Variants in KAT14 observed in about 807,000 individuals in gnomAD.
KAT14 encodes the protein cysteine-rich protein 2-binding protein.
Under a neutral mutation model 78.4 loss-of-function variants are expected in KAT14, and 66 were observed. That is an observed-to-expected ratio of 0.84 (90% CI 0.69 to 1.03). The LOEUF is 1.03. Among genes scored for constraint, KAT14 ranks in the 50% least tolerant of loss-of-function variants. The probability of loss-of-function intolerance (pLI) is 0.00; values close to 1 mark genes in which losing one functional copy is unlikely to be tolerated. For missense variants in KAT14, 870 were observed against 972.5 expected, an observed-to-expected ratio of 0.89 and a Z score of 1.40; for synonymous variants, 344 against 359.4, an observed-to-expected ratio of 0.96 and a Z score of 0.48.
At position 18,142,884 on chromosome 20, in the gene KAT14, A is replaced by G. The variant is rs1158486164; in HGVS notation, c.224A>G (p.Tyr75Cys). The change falls in exon 2 of 11, where the codon TAC (tyrosine) becomes TGC (cysteine). Residue 75 changes from tyrosine (Y) to cysteine (C), a missense_variant. By Grantham distance (194) the Tyr-to-Cys change is radical. Coordinates refer to ENST00000688188, the MANE Select transcript of KAT14 (RefSeq NM_001392073.1). ...TCTTGGATGGAGGAGCAGCTGTCCT[A>G]CTTCTGTGACAAGTGCCAAAAATGG... is the stretch of plus-strand genomic sequence containing the variant. ...DVSWMEEQLS[Y>C]FCDKCQKWIP... 2 of 1,614,178 alleles carry G rather than the reference A, an allele frequency of 1.2e-6. No homozygotes were observed. Among genetic ancestry groups the G allele is most frequent in the South Asian group, 1.1e-5 (1 of 91,082 alleles).
At chr20:18,143,877 G>A (rs2037709138) in intron 2 of KAT14, among the ~76,000 whole-genome samples, 1 of 152,108 alleles carries the variant, frequency 6.6e-6, no homozygotes, top group African/African-American at 2.4e-5. Flanking sequence ...TGATCCATCC[G>A]CCTCGGCCTC....
Position 18,175,686 on chromosome 20 carries a change from T to TC in KAT14, c.1669-6021dup, listed in dbSNP as rs1174404640. On this transcript the variant is annotated intron_variant, in intron 7 of 10. Transcript: ENST00000688188. The stretch of plus-strand genomic sequence containing the variant: ...TATTTGACCTTGGGATGCTTTTTTT[T>TC]CCCACACTTTACCATTCAGCAAATG... 1.8e-3 allele frequency among the ~76,000 whole-genome samples: 279 copies of TC among 152,144 alleles called. 1 individual carries two copies. Among genetic ancestry groups the TC allele is most frequent in the African/African-American group, 6.4e-3 (264 of 41,498 alleles).
intron 1 of KAT14, 191 bp downstream of exon 1, chr20:18,138,242 C>T (rs1212417525): frequency 6.4e-6 from 8 of 1,241,798 alleles, no homozygotes; most frequent in African/African-American, 4.7e-5. Flanking sequence ...CTGCAGCTCC[C>T]GGCGGGCGTG....
intron 5 of KAT14, 73 bp downstream of exon 5, chr20:18,159,338 C>G: frequency 6.5e-7 from 1 of 1,527,698 alleles, no homozygotes; most frequent in Non-Finnish European, 8.8e-7. Flanking sequence ...AGGAGACGCT[C>G]CTGCTTCCAC....
intron 5 of KAT14, 117 bp downstream of exon 5, chr20:18,159,382 C>A: frequency 8.9e-7 from 1 of 1,128,636 alleles, no homozygotes. Flanking sequence ...TGGAGCTACT[C>A]TGTTTAACAC....
chr20:18,141,064 A>G, intron 1 of KAT14, among the ~76,000 whole-genome samples: 2 of 85,708 alleles, frequency 2.3e-5, no homozygotes, highest in African/African-American at 4.6e-5. Flanking sequence ...TTTTTGCTAG[A>G]GATGGGATTT....
intron 7 of KAT14, among the ~76,000 whole-genome samples, chr20:18,179,468 T>C (rs1236788528): frequency 6.6e-6 from 1 of 152,226 alleles, no homozygotes; most frequent in African/African-American, 2.4e-5. Context: ...CAAACCTCAA[T>C]TCTGGACTTC....
chr20:18,150,997 T>C (rs2038016615), intron 4 of KAT14, 55 bp downstream of exon 4: 2 of 1,597,512 alleles, frequency 1.3e-6, no homozygotes, highest in Admixed American at 3.4e-5. Flanking sequence ...GAATGAAGTA[T>C]ACAGGATTTG....
At chr20:18,153,357 GTTCT>G (rs2038115640) in intron 4 of KAT14, among the ~76,000 whole-genome samples, 1 of 152,126 alleles carries the variant, frequency 6.6e-6, no homozygotes, top group Non-Finnish European at 1.5e-5. Flanking sequence ...ACTATAACTG[GTTCT>G]TTCTCATAAG....
intron 1 of KAT14, among the ~76,000 whole-genome samples, chr20:18,141,691 T>G (rs1425358566): frequency 6.6e-6 from 1 of 152,098 alleles, no homozygotes; most frequent in Non-Finnish European, 1.5e-5. Flanking sequence ...CGAGACCAGC[T>G]TGGCTGACGT....
chr20:18,155,678 A>T (rs1288043143), intron 4 of KAT14, among the ~76,000 whole-genome samples: 8 of 152,222 alleles, frequency 5.3e-5, no homozygotes, highest in African/African-American at 1.7e-4. Flanking sequence ...TGCAAATCAA[A>T]TCTATAACAC....
chr20:18,183,209 C>A lies in KAT14; in HGVS notation c.1892C>A (p.Pro631Gln). ...HLHRSDPHWT[P>Q]EPDAPLDYCY... ...CACAGGAGCGACCCTCACTGGACGC[C>A]GGAGCCCGACGCACCTCTCGATTAC... The change falls in exon 9 of 11, where the codon CCG becomes CAG. Residue 631 changes from proline (P) to glutamine (Q), a missense_variant. Physicochemically the swap from Pro to Gln is moderately conservative, Grantham distance 76. Transcript: ENST00000688188. 6.2e-7 allele frequency: 1 copy of A among 1,614,108 alleles called. No individual in the cohort carries two copies. The highest frequency in any genetic ancestry group is 8.5e-7 in the Non-Finnish European group (1 of 1,180,026).
chr20:18,145,712 C>T (rs774428412), intron 3 of KAT14, among the ~76,000 whole-genome samples: 46 of 151,548 alleles, frequency 3.0e-4, no homozygotes, highest in African/African-American at 1.1e-3. Context: ...ACCTGGGAGG[C>T]GGAGGCTGCA....
rs569965106 is a variant in KAT14, at chr20:18,182,832, A to G, written c.1806-291A>G. Among the ~76,000 whole-genome samples, 4 of 152,226 alleles carry G rather than the reference A, an allele frequency of 2.6e-5. No homozygotes were observed. The South Asian group carries it at 8.3e-4, about 32-fold the overall frequency. On this transcript the variant is annotated intron_variant, in intron 8 of 10. Coordinates refer to ENST00000688188, the MANE Select transcript of KAT14 (RefSeq NM_001392073.1). Reference sequence around the variant, plus strand: ...TCCAAGGCACTGGAGATGCATCCTCATGTCTGACTCCTTGGGGTGAATCTG... The same window carrying G: ...TCCAAGGCACTGGAGATGCATCCTCGTGTCTGACTCCTTGGGGTGAATCTG...
intron 10 of KAT14, among the ~76,000 whole-genome samples, chr20:18,186,061 C>T (rs567543334): frequency 2.0e-5 from 3 of 152,268 alleles, no homozygotes; most frequent in Admixed American, 6.5e-5. Flanking sequence ...AGAGGATTTG[C>T]TGCCGTATCT....
intron 4 of KAT14, among the ~76,000 whole-genome samples, chr20:18,155,065 C>T (rs369514406): frequency 2.2e-4 from 34 of 152,194 alleles, no homozygotes; most frequent in African/African-American, 7.5e-4. Context: ...TTGTATTTTT[C>T]GTAGGGACAG....
At chr20:18,179,889 G>C (rs1004257524) in intron 7 of KAT14, among the ~76,000 whole-genome samples, 3 of 151,550 alleles carry the variant, frequency 2.0e-5, no homozygotes, top group Non-Finnish European at 2.9e-5. Context: ...TTTTTTTTGA[G>C]ATAGAGTCTT....
At chr20:18,183,335 CT>C in intron 9 of KAT14, 37 bp downstream of exon 9, 1 of 1,574,250 alleles carries the variant, frequency 6.4e-7, no homozygotes, top group Non-Finnish European at 8.6e-7. Context: ...GGTCATTTTT[CT>C]GTACAGTCCA....
chr20:18,181,872 G>A (rs2039270999), intron 8 of KAT14, 26 bp downstream of exon 8: 3 of 1,612,320 alleles, frequency 1.9e-6, no homozygotes, highest in Admixed American at 1.7e-5. Context: ...GAGGTGTGAT[G>A]TCAGGTGTGT....
Sources: allele counts gnomAD v4.1 joint callset (sites outside exome capture counted in the v4.1 genomes callset), GRCh38; gene constraint gnomAD v4.1.1; transcripts MANE v1.5; gene names NCBI Gene and HGNC (gene_info 2026-07-23, HGNC 2026-07-21).